The following DNAH14 variants were observed in gnomAD, a reference collection of about 807,000 sequenced individuals.
The protein encoded by DNAH14 is dynein axonemal heavy chain 14, also known as axonemal beta dynein heavy chain 14.
In DNAH14, 478 loss-of-function variants were observed where a neutral mutation model predicts 520.9. The ratio of observed to expected loss-of-function variants is 0.92; its 90% CI spans 0.85 to 0.99. The LOEUF (loss-of-function observed/expected upper bound fraction) is 0.99, where lower values mean the gene tolerates loss of function less well. Ranked by LOEUF, DNAH14 falls within the 50% of genes least tolerant of loss-of-function variation. The pLI, the probability that DNAH14 is intolerant of heterozygous loss-of-function variation, is 0.00. For synonymous variants in DNAH14, 1,581 were observed against 1,757.2 expected, an observed-to-expected ratio of 0.90 and a Z score of 2.51; for missense variants, 4,831 against 5,234.5, an observed-to-expected ratio of 0.92 and a Z score of 2.38.
intron 1 of DNAH14, among the ~76,000 whole-genome samples, chr1:224,951,712 A>G (rs1181679706): frequency 6.5e-5 from 9 of 138,150 alleles, no homozygotes; most frequent in African/African-American, 2.3e-4. Flanking sequence ...GTGCAGTGGC[A>G]CAATCTCGGC....
At chr1:225,102,621 T>C (rs917009612) in intron 23 of DNAH14, among the ~76,000 whole-genome samples, 1 of 152,250 alleles carries the variant, frequency 6.6e-6, no homozygotes, top group Non-Finnish European at 1.5e-5. Context: ...TGGTTTAGAT[T>C]TGCATTTCTC....
At chr1:225,398,444 CTCAATTCCGGACGGA>C in intron 84 of DNAH14, 61 bp from the exon 85 acceptor site, 2 of 1,512,124 alleles carry the variant, frequency 1.3e-6, no homozygotes, top group Non-Finnish European at 1.8e-6. Context: ...GATCGGTCGG[CTCAATTCCGGACGGA>C]GCCTCCAGTT....
intron 46 of DNAH14, among the ~76,000 whole-genome samples, chr1:225,259,779 G>A (rs1314697626): frequency 2.0e-5 from 3 of 152,114 alleles, no homozygotes; most frequent in Non-Finnish European, 2.9e-5. Context: ...AGTTAGACTT[G>A]TTTAGAATCC....
chr1:225,398,387 A>G, intron 84 of DNAH14, 133 bp from the exon 85 acceptor site: 1 of 1,092,988 alleles, frequency 9.1e-7, no homozygotes, highest in Non-Finnish European at 1.3e-6. Context: ...ATAAGTATTC[A>G]CCTTAGAACT....
intron 1 of DNAH14, among the ~76,000 whole-genome samples, chr1:224,951,878 A>C (rs2060200992): frequency 6.6e-6 from 1 of 151,936 alleles, no homozygotes; most frequent in Admixed American, 6.6e-5. Context: ...TGACCTCGTG[A>C]TCCACCCGCC....
intron 36 of DNAH14, among the ~76,000 whole-genome samples, chr1:225,173,269 T>G (rs2082916206): frequency 1.3e-5 from 2 of 152,086 alleles, no homozygotes; most frequent in Admixed American, 1.3e-4. Flanking sequence ...GGGATCTAAT[T>G]AAACTAAAGA....
At chr1:225,197,732 G>T (rs2086339840) in intron 38 of DNAH14, among the ~76,000 whole-genome samples, 2 of 152,020 alleles carry the variant, frequency 1.3e-5, no homozygotes. Context: ...GCAGTGTTTT[G>T]TAGTTTTCCT....
intron 71 of DNAH14, among the ~76,000 whole-genome samples, chr1:225,350,093 T>A (rs946382205): frequency 6.6e-6 from 1 of 152,140 alleles, no homozygotes; most frequent in African/African-American, 2.4e-5. Flanking sequence ...CAAGTGTATT[T>A]GCCAAACACA....
At chr1:225,140,742 T>C in intron 27 of DNAH14, 26 bp from the exon 28 acceptor site, 1 of 1,402,510 alleles carries the variant, frequency 7.1e-7, no homozygotes, top group African/African-American at 1.4e-5. Flanking sequence ...GAGAGATATA[T>C]ATATAACATT....
At chr1:225,230,485 T>G (rs77727829) in intron 41 of DNAH14, among the ~76,000 whole-genome samples, 7,470 of 152,178 alleles carry the variant, frequency 0.049, 287 homozygotes, top group Non-Finnish European at 0.073. Context: ...AAAGAAGCAT[T>G]TTTTTAATAT....
intron 27 of DNAH14, among the ~76,000 whole-genome samples, chr1:225,134,694 T>C (rs757543464): frequency 1.1e-4 from 16 of 152,234 alleles, no homozygotes; most frequent in Non-Finnish European, 2.4e-4. Context: ...CTTTTTTTGT[T>C]GTATCTCTGC....
intron 78 of DNAH14, among the ~76,000 whole-genome samples, chr1:225,375,815 G>A (rs922154944): frequency 7.2e-5 from 11 of 151,858 alleles, no homozygotes; most frequent in East Asian, 5.8e-4. Context: ...GGCCGGGTGC[G>A]GTGGCTCATG....
intron 21 of DNAH14, among the ~76,000 whole-genome samples, chr1:225,091,394 A>G (rs1406487520): frequency 1.3e-5 from 2 of 152,156 alleles, no homozygotes; most frequent in African/African-American, 4.8e-5. Flanking sequence ...TTCAGTAGAA[A>G]CCCTACAAGC....
At chr1:225,218,122 T>C (rs973919718) in intron 41 of DNAH14, among the ~76,000 whole-genome samples, 9 of 152,166 alleles carry the variant, frequency 5.9e-5, no homozygotes, top group Non-Finnish European at 1.3e-4. Context: ...GATTTGGTCA[T>C]CACCAGGCCT....
intron 7 of DNAH14, among the ~76,000 whole-genome samples, chr1:224,972,109 A>G (rs1331654790): frequency 6.6e-6 from 1 of 152,106 alleles, no homozygotes; most frequent in African/African-American, 2.4e-5. Context: ...TTTAAGTTCA[A>G]CTGCAGATGG....
intron 33 of DNAH14, among the ~76,000 whole-genome samples, chr1:225,153,293 G>A (rs781191462): frequency 2.0e-5 from 3 of 152,104 alleles, no homozygotes; most frequent in Non-Finnish European, 2.9e-5. Flanking sequence ...TGTACTTCTG[G>A]TGTGGGGTTG....
At chr1:224,965,156 G>A (rs1307163021) in intron 5 of DNAH14, among the ~76,000 whole-genome samples, 1 of 152,040 alleles carries the variant, frequency 6.6e-6, no homozygotes, top group African/African-American at 2.4e-5. Flanking sequence ...TAAGGTGTGT[G>A]TCCTGAGACC....
chr1:225,211,522 T>C (rs1411721035), intron 41 of DNAH14, among the ~76,000 whole-genome samples: 1 of 152,090 alleles, frequency 6.6e-6, no homozygotes, highest in Non-Finnish European at 1.5e-5. Context: ...AACCTACATT[T>C]GATTGGTGTA....
At chr1:225,137,411 A>G (rs1427538099) in intron 27 of DNAH14, among the ~76,000 whole-genome samples, 5 of 152,150 alleles carry the variant, frequency 3.3e-5, no homozygotes, top group African/African-American at 1.2e-4. Flanking sequence ...GCTTGAGTGC[A>G]GTGGTGCAAT....
Sources: gnomAD v4.1 joint callset for allele counts (sites outside exome capture counted in the v4.1 genomes callset) on GRCh38, gnomAD v4.1.1 for gene constraint, MANE v1.5 for transcripts, NCBI Gene and HGNC (gene_info 2026-07-23, HGNC 2026-07-21) for gene names.